Variants in TMEM214 observed in about 807,000 individuals in gnomAD.
TMEM214 encodes transmembrane protein 214.
TMEM214 carries 71 observed loss-of-function variants against 89.8 expected under a neutral mutation model. The observed-to-expected ratio is 0.79, with a 90% confidence interval of 0.65 to 0.96. The LOEUF (loss-of-function observed/expected upper bound fraction) is 0.96, where lower values mean the gene tolerates loss of function less well. Among genes scored for constraint, TMEM214 ranks in the 40% least tolerant of loss-of-function variants. The pLI is 0.00. For synonymous variants in TMEM214, 332 were observed against 349.5 expected, an observed-to-expected ratio of 0.95 and a Z score of 0.56; for missense variants, 754 against 843.4, an observed-to-expected ratio of 0.89 and a Z score of 1.31.
intron 3 of TMEM214, 49 bp from the exon 4 acceptor site, chr2:27,035,545 C>A: frequency 6.2e-7 from 1 of 1,609,062 alleles, no homozygotes; most frequent in Non-Finnish European, 8.5e-7. Flanking sequence ...GTTCTCAGAG[C>A]TGATGGGTGT....
chr2:27,035,319 G>A (rs1227700126), intron 3 of TMEM214, 34 bp downstream of exon 3: 3 of 1,613,420 alleles, frequency 1.9e-6, no homozygotes, highest in South Asian at 1.1e-5. Flanking sequence ...GCTCAGACAA[G>A]TTCAAATAAA....
chr2:27,039,160 C>A lies in TMEM214; in HGVS notation c.1521C>A (p.Phe507Leu). The change falls in exon 13 of 17, where the codon TTC becomes TTA. Residue 507 changes from phenylalanine to leucine, a missense_variant. By Grantham distance (22) the Phe-to-Leu change is conservative (BLOSUM62 0). Coordinates refer to ENST00000238788, the MANE Select transcript of TMEM214 (RefSeq NM_017727.5). ...ATGACCTCCGGTCACACAGCTCCTT[C>A]CAGGGTAAGCAGCAATGGGCAAGCG... Reference protein sequence around the residue: ...LCHDLRSHSSFQASLTGRLLR... With the variant: ...LCHDLRSHSSLQASLTGRLLR... 6.2e-7 allele frequency: 1 copy of A among 1,613,418 alleles called. No individual in the cohort carries two copies. The highest frequency in any genetic ancestry group is 8.5e-7 in the Non-Finnish European group (1 of 1,179,822).
intron 13 of TMEM214, chr2:27,039,397 A>C: frequency 1.7e-6 from 1 of 592,454 alleles, no homozygotes; most frequent in Non-Finnish European, 3.0e-6. Flanking sequence ...TCATTTTAGT[A>C]GGTGTTACCT....
In TMEM214 at chr2:27,038,111, C is replaced by T; in HGVS notation, c.1153-35C>T. On this transcript the variant is annotated intron_variant, in intron 9 of 16. Coordinates refer to ENST00000238788, the MANE Select transcript of TMEM214 (RefSeq NM_017727.5). The surrounding 1 kb of genome is among the most constrained non-coding windows in gnomAD (Gnocchi z 4.4). ...ACTCCCCGCCTCTGCCAGCCCCATG[C>T]CCCCAGCAGCCTCTCCCTCTGTCGT... The T allele has an allele frequency of 6.2e-7, 1 of 1,613,800 alleles. No individual in the cohort carries two copies. Among genetic ancestry groups the T allele is most frequent in the Non-Finnish European group, 8.5e-7 (1 of 1,179,884 alleles).
intron 8 of TMEM214, 115 bp from the exon 9 acceptor site, chr2:27,037,446 A>G (rs1667614240): frequency 1.0e-5 from 13 of 1,295,586 alleles, no homozygotes; most frequent in Non-Finnish European, 1.4e-5. Flanking sequence ...AGCCATTGCA[A>G]GGTCCTCAGT....
chr2:27,035,342 G>A, intron 3 of TMEM214, 57 bp downstream of exon 3: 3 of 1,607,562 alleles, frequency 1.9e-6, no homozygotes, highest in Non-Finnish European at 2.6e-6. Context: ...CAAAAAGGGT[G>A]GTATAACAGA....
chr2:27,038,728 T>C lies in TMEM214; in HGVS notation c.1320T>C (p.Ile440=). The C allele has an allele frequency of 6.2e-7, 1 of 1,614,094 alleles. No individual in the cohort carries two copies. The highest frequency in any genetic ancestry group is 1.3e-5 in the African/African-American group (1 of 75,024). ...TACAGAAGTCTTTGCAAGAAACCAT[T>C]CAGTCCCTCAAGCTTACCAACCAGG... The part of the protein sequence containing the change: ...KKVQKSLQET[I]QSLKLTNQEL... Residue 440 remains isoleucine, a synonymous_variant, in exon 12 of 17, where the codon ATT becomes ATC. Coordinates refer to ENST00000238788, the MANE Select transcript of TMEM214 (RefSeq NM_017727.5). The surrounding 1 kb of genome is among the most constrained non-coding windows in gnomAD (Gnocchi z 4.4).
chr2:27,040,567 C>T (rs1667795500), intron 16 of TMEM214, 71 bp downstream of exon 16: 2 of 1,591,998 alleles, frequency 1.3e-6, no homozygotes, highest in Non-Finnish European at 1.7e-6. Flanking sequence ...GACAAGCCAT[C>T]TCTATCCAGT....
chr2:27,034,601 C>CTT (rs67511175), intron 2 of TMEM214: 4,313 of 161,396 alleles, frequency 0.027, 106 homozygotes, highest in African/African-American at 0.059. Context: ...CTGTTTTCCT[C>CTT]TTTTTTTTTT....
chr2:27,037,029 C>T (rs1283161954), intron 7 of TMEM214, 48 bp from the exon 8 acceptor site: 1 of 1,545,812 alleles, frequency 6.5e-7, no homozygotes, highest in African/African-American at 1.4e-5. Flanking sequence ...GCCAAAACAG[C>T]TGGCATGGGT....
chr2:27,033,005 G>C lies in TMEM214; in HGVS notation c.-11G>C. Reference sequence around the variant, plus strand: ...GCCGGGGAAGTGGCCGAGGAGGGAGGGCTGCGAGCCATGGCGACCAAGACG... The same window carrying C: ...GCCGGGGAAGTGGCCGAGGAGGGAGCGCTGCGAGCCATGGCGACCAAGACG... On this transcript the variant is annotated 5_prime_UTR_variant, in exon 1 of 17. Transcript: ENST00000238788. The C allele has an allele frequency of 2.4e-6, 3 of 1,246,216 alleles. No individual in the cohort carries two copies. The highest frequency in any genetic ancestry group is 3.0e-6 in the Non-Finnish European group (3 of 987,718). The allele number at this position is 1,246,216 out of a possible 1,614,324, so 77.2% of individuals were successfully genotyped here.
chr2:27,036,345 C>CTGCACCACGTGGCCATAG, intron 5 of TMEM214, 142 bp from the exon 6 acceptor site: 1 of 777,542 alleles, frequency 1.3e-6, no homozygotes, highest in Non-Finnish European at 2.2e-6. Flanking sequence ...CAAACAGAAC[C>CTGCACCACGTGGCCATAG]TGCACCACGT....
chr2:27,040,185 G>T lies in TMEM214; in HGVS notation c.1778G>T (p.Ser593Ile). ...GCGTGGTTTGGTGACAGTCTCACCA[G>T]TCTCTCTCAGAGGGTAAGTCAGAGA... ...HLAWFGDSLT[S>I]LSQRLQIQLP... The change falls in exon 15 of 17, where the codon AGT (serine) becomes ATT (isoleucine). Residue 593 changes from serine (S) to isoleucine (I), a missense_variant. Physicochemically the swap from Ser to Ile is moderately radical, Grantham distance 142. Transcript: ENST00000238788. 1 of 1,605,866 alleles carries T rather than the reference G, an allele frequency of 6.2e-7. No individual in the cohort carries two copies. Among genetic ancestry groups the T allele is most frequent in the Non-Finnish European group, 8.5e-7 (1 of 1,179,986 alleles).
Position 27,039,820 on chromosome 2 carries a change from C to A in TMEM214, c.1605C>A (p.Tyr535Ter). 1 of 1,614,238 alleles carries A rather than the reference C, an allele frequency of 6.2e-7. No individual in the cohort carries two copies. The highest frequency in any genetic ancestry group is 8.5e-7 in the Non-Finnish European group (1 of 1,180,040). Reference sequence around the variant, plus strand: ...AAGCGTGTGCCAAGCTCTACTCCTACAGTCTGCAAGGCTACAGGTGAGCTC... The same window carrying A: ...AAGCGTGTGCCAAGCTCTACTCCTAAAGTCTGCAAGGCTACAGGTGAGCTC... ...SQQACAKLYS[Y>*]SLQGYSWLGE... The change falls in exon 14 of 17, where the codon TAC (tyrosine) becomes TAA (stop). Residue 535 changes from tyrosine (Y) to a stop codon, truncating the protein, a stop_gained. Transcript: ENST00000238788. LOFTEE classifies it high-confidence loss of function.
At chr2:27,036,929 G>A in intron 7 of TMEM214, 143 bp downstream of exon 7, 2 of 1,078,830 alleles carry the variant, frequency 1.9e-6, no homozygotes, top group South Asian at 2.6e-5. Context: ...ATGTGATGGT[G>A]AGGAAGGAAG....
At chr2:27,039,931 T>G in intron 14 of TMEM214, 94 bp downstream of exon 14, 1 of 1,597,112 alleles carries the variant, frequency 6.3e-7, no homozygotes, top group Non-Finnish European at 8.5e-7. Flanking sequence ...CGCTTGTGAT[T>G]CTCCTTTCCC....
Position 27,038,751 on chromosome 2 carries a change from A to C in TMEM214, c.1343A>C (p.Gln448Pro). 1.2e-6 allele frequency: 2 copies of C among 1,614,208 alleles called. No individual in the cohort carries two copies. The highest frequency in any genetic ancestry group is 1.7e-6 in the Non-Finnish European group (2 of 1,180,016). The change falls in exon 12 of 17, where the codon CAG (glutamine) becomes CCG (proline). Residue 448 changes from glutamine to proline, a missense_variant. Gln to Pro is a moderately conservative substitution (Grantham distance 76, BLOSUM62 -1). Coordinates refer to ENST00000238788, the MANE Select transcript of TMEM214 (RefSeq NM_017727.5). This position sits in a 1 kb window ranked among gnomAD's most constrained non-coding sequence, Gnocchi z 4.4. Reference sequence around the variant, plus strand: ...ATTCAGTCCCTCAAGCTTACCAACCAGGAGCTGCTGAGGAAGGGTAGCAGT... The same window carrying C: ...ATTCAGTCCCTCAAGCTTACCAACCCGGAGCTGCTGAGGAAGGGTAGCAGT... ...ETIQSLKLTN[Q>P]ELLRKGSSNN...
At chr2:27,034,734 C>T in intron 2 of TMEM214, 1 of 214,648 alleles carries the variant, frequency 4.7e-6, no homozygotes. Context: ...CAGGCGTCTG[C>T]CACCACGCCT....
At chr2:27,037,770 C>T (rs750123874) in intron 9 of TMEM214, 68 bp downstream of exon 9, 57 of 1,613,696 alleles carry the variant, frequency 3.5e-5, no homozygotes, top group Non-Finnish European at 4.7e-5. Context: ...TATCTGCTGA[C>T]AAAGGCCTTG....
Sources: gnomAD v4.1 joint callset for allele counts on GRCh38, gnomAD v4.1.1 for gene constraint, Gnocchi (gnomAD v3.1) non-coding constraint, MANE v1.5 for transcripts, NCBI Gene and HGNC (gene_info 2026-07-23, HGNC 2026-07-21) for gene names.